Variants in DENND1A observed in about 807,000 individuals in gnomAD.
DENND1A encodes DENN domain-containing protein 1A.
A neutral mutation model predicts 113.7 loss-of-function variants in DENND1A; 51 were observed. That is an observed-to-expected ratio of 0.45 (90% confidence interval 0.36 to 0.57). The LOEUF is 0.57. Among genes scored for constraint, DENND1A ranks in the 20% least tolerant of loss-of-function variants. The probability of loss-of-function intolerance (pLI) is 0.00; values close to 1 mark genes in which losing one functional copy is unlikely to be tolerated. For synonymous variants in DENND1A, 565 were observed against 570.8 expected, an observed-to-expected ratio of 0.99 and a Z score of 0.14; for missense variants, 1,258 against 1,395.9, an observed-to-expected ratio of 0.90 and a Z score of 1.57.
chr9:123,730,361 T>G (rs1188733520), intron 5 of DENND1A, among the ~76,000 whole-genome samples: 1 of 152,170 alleles, frequency 6.6e-6, no homozygotes, highest in Non-Finnish European at 1.5e-5. Context: ...TCTATCCATC[T>G]GACAAAGGGC....
intron 10 of DENND1A, among the ~76,000 whole-genome samples, chr9:123,620,299 G>A (rs999259401): frequency 6.6e-6 from 1 of 151,640 alleles, no homozygotes; most frequent in Admixed American, 6.6e-5. Context: ...AAGGCTCTTG[G>A]CACATTCAGT....
chr9:123,456,843 T>G (rs538991901), intron 15 of DENND1A: 1 of 152,988 alleles, frequency 6.5e-6, no homozygotes, highest in South Asian at 2.1e-4. Flanking sequence ...CAAAAAAAAC[T>G]TACTGCACAC....
intron 5 of DENND1A, among the ~76,000 whole-genome samples, chr9:123,750,959 C>G (rs537829574): frequency 7.5e-4 from 115 of 152,320 alleles, no homozygotes; most frequent in East Asian, 2.1e-3. Flanking sequence ...AATCTGGGAG[C>G]TGTCCCCACA....
intron 13 of DENND1A, among the ~76,000 whole-genome samples, chr9:123,511,241 C>G (rs1206492601): frequency 6.6e-6 from 1 of 152,208 alleles, no homozygotes; most frequent in Non-Finnish European, 1.5e-5. Flanking sequence ...GGCCTTCGAA[C>G]TTGGGCTCCA....
At chr9:123,626,688 T>C (rs569882335) in intron 10 of DENND1A, among the ~76,000 whole-genome samples, 3 of 152,138 alleles carry the variant, frequency 2.0e-5, no homozygotes, top group South Asian at 4.1e-4. Context: ...CTTGGAGATA[T>C]ATGGCAGTGA....
intron 2 of DENND1A, among the ~76,000 whole-genome samples, chr9:123,856,974 A>G (rs1202601009): frequency 1.4e-4 from 22 of 152,060 alleles, no homozygotes; most frequent in Admixed American, 1.4e-3. Context: ...TTGAAATCGG[A>G]AGTACTGGTG....
At chr9:123,681,951 T>C (rs1001911893) in intron 5 of DENND1A, among the ~76,000 whole-genome samples, 1 of 150,014 alleles carries the variant, frequency 6.7e-6, no homozygotes, top group South Asian at 2.1e-4. Flanking sequence ...GCTCAACACA[T>C]GATCAGGACA....
chr9:123,624,689 G>C (rs765169561), intron 10 of DENND1A, among the ~76,000 whole-genome samples: 9 of 152,200 alleles, frequency 5.9e-5, no homozygotes, highest in Non-Finnish European at 1.3e-4. Context: ...AATTTAGGAT[G>C]ACAAGGACTT....
chr9:123,746,944 A>G (rs1487207071), intron 5 of DENND1A, among the ~76,000 whole-genome samples: 1 of 152,174 alleles, frequency 6.6e-6, no homozygotes, highest in Non-Finnish European at 1.5e-5. Flanking sequence ...AATTTACAAA[A>G]GTGACAGTAA....
intron 3 of DENND1A, among the ~76,000 whole-genome samples, chr9:123,770,270 C>T (rs1829516553): frequency 6.6e-6 from 1 of 152,024 alleles, no homozygotes; most frequent in Non-Finnish European, 1.5e-5. Context: ...GTTTAAATGT[C>T]TTTCTAAAAA....
chr9:123,487,252 CCT>C (rs1363358923), intron 13 of DENND1A, among the ~76,000 whole-genome samples: 1 of 152,200 alleles, frequency 6.6e-6, no homozygotes, highest in African/African-American at 2.4e-5. Context: ...TCCCTCCTAT[CCT>C]CTTTGCTCAA....
chr9:123,640,681 T>A (rs961080311), intron 9 of DENND1A, among the ~76,000 whole-genome samples: 1 of 152,226 alleles, frequency 6.6e-6, no homozygotes, highest in Non-Finnish European at 1.5e-5. Flanking sequence ...ACAGAGTGAA[T>A]AGTGCGCCCA....
At chr9:123,547,391 T>C (rs1026172137) in intron 13 of DENND1A, among the ~76,000 whole-genome samples, 1 of 152,188 alleles carries the variant, frequency 6.6e-6, no homozygotes, top group East Asian at 1.9e-4. Context: ...TAGCTGGGCA[T>C]GGTGGCGCAT....
chr9:123,804,628 T>A (rs1399549539), intron 2 of DENND1A, among the ~76,000 whole-genome samples: 1 of 152,242 alleles, frequency 6.6e-6, no homozygotes, highest in African/African-American at 2.4e-5. Flanking sequence ...AACTGTCTAC[T>A]CAACATCTCC....
chr9:123,699,012 T>G (rs1365274379), intron 5 of DENND1A, among the ~76,000 whole-genome samples: 1 of 152,040 alleles, frequency 6.6e-6, no homozygotes, highest in Non-Finnish European at 1.5e-5. Context: ...TAAAAGACAA[T>G]TAATTATAAA....
chr9:123,691,208 A>T (rs1237740380), intron 5 of DENND1A, among the ~76,000 whole-genome samples: 1 of 152,210 alleles, frequency 6.6e-6, no homozygotes, highest in African/African-American at 2.4e-5. Context: ...GCCCTGTCCT[A>T]GACAGCTAGG....
chr9:123,794,689 T>C (rs536487993), intron 2 of DENND1A, among the ~76,000 whole-genome samples: 1 of 152,328 alleles, frequency 6.6e-6, no homozygotes, highest in South Asian at 2.1e-4. Flanking sequence ...AAAAATACCA[T>C]TCTTATTCCT....
At chr9:123,709,807 C>T (rs983016045) in intron 5 of DENND1A, among the ~76,000 whole-genome samples, 4 of 152,192 alleles carry the variant, frequency 2.6e-5, no homozygotes, top group Non-Finnish European at 5.9e-5. Flanking sequence ...TTCTAAGGAA[C>T]TTGGAAAACC....
At chr9:123,454,606 G>A (rs1725707653) in intron 16 of DENND1A, 133 bp downstream of exon 16, 2 of 911,912 alleles carry the variant, frequency 2.2e-6, no homozygotes, top group Non-Finnish European at 3.5e-6. Flanking sequence ...GAAGAGCCTG[G>A]CTTTACAAAC....
Sources: gnomAD v4.1 joint callset for allele counts (sites outside exome capture counted in the v4.1 genomes callset) on GRCh38, gnomAD v4.1.1 for gene constraint, MANE v1.5 for transcripts, NCBI Gene and HGNC (gene_info 2026-07-23, HGNC 2026-07-21) for gene names.